CYB561D1: variants seen among roughly 807,000 people sequenced by gnomAD.
CYB561D1 encodes the protein cytochrome b561 family member D1, also known as probable transmembrane reductase CYB561D1.
Under a neutral mutation model 19.2 loss-of-function variants are expected in CYB561D1, and 15 were observed. The ratio of observed to expected loss-of-function variants is 0.78; its 90% CI spans 0.52 to 1.20. CYB561D1 has a LOEUF of 1.20. CYB561D1 is among the 50% of genes most tolerant of loss of function. The probability of loss-of-function intolerance (pLI) is 0.00; values close to 1 mark genes in which losing one functional copy is unlikely to be tolerated. For synonymous variants in CYB561D1, 133 were observed against 120.6 expected, an observed-to-expected ratio of 1.10 and a Z score of -0.68; for missense variants, 297 against 287.3, an observed-to-expected ratio of 1.03 and a Z score of -0.24.
rs1225948597 is a variant in CYB561D1 at position 109,497,341 on chromosome 1, C to T, written c.*1082C>T. On this transcript the variant is annotated 3_prime_UTR_variant, in exon 3 of 3. Coordinates refer to ENST00000420578, the MANE Select transcript of CYB561D1 (RefSeq NM_182580.3). Reference sequence around the variant, plus strand: ...CAGGGCTTTTCTGATCCAAAGAAAACAAAGTTTCTCTGGTTACCCCTCTTC... The same window carrying T: ...CAGGGCTTTTCTGATCCAAAGAAAATAAAGTTTCTCTGGTTACCCCTCTTC... 3 of 152,206 alleles carry T rather than the reference C, an allele frequency of 2.0e-5. No homozygotes were observed. The allele number at this position is 152,206 out of a possible 1,614,324, so 9.4% of individuals were successfully genotyped here. A position where few individuals can be genotyped will look rare whatever the true frequency, so the allele number is the denominator to read the frequency against.
In CYB561D1 at chr1:109,499,828, C is replaced by T. The variant is rs1412829143; in HGVS notation, c.*3569C>T. 13 of 152,296 alleles carry T rather than the reference C, an allele frequency of 8.5e-5. No individual in the cohort carries two copies. Among genetic ancestry groups the T allele is most frequent in the Admixed American group, 7.2e-4 (11 of 15,290 alleles). The allele number at this position is 152,296 out of a possible 1,614,324, so 9.4% of individuals were successfully genotyped here. On this transcript the variant is annotated 3_prime_UTR_variant, in exon 3 of 3. Coordinates refer to ENST00000420578, the MANE Select transcript of CYB561D1 (RefSeq NM_182580.3). ...CTGAGTCAGTCAGCCCTCACCTTCC[C>T]CCTCCTTCCTGGGCTGCAGAGTGTA...
In CYB561D1 at chr1:109,495,168, C is replaced by T; in HGVS notation, c.174C>T (p.Phe58=). Residue 58 remains phenylalanine, a synonymous_variant, in exon 2 of 3, where the codon TTC becomes TTT. Transcript: ENST00000420578. ...GTSLFSWHPV[F]MALAFCLCMA... is the part of the protein sequence containing the mutation. The stretch of plus-strand genomic sequence containing the variant: ...GTCTTTTCTCCTGGCACCCTGTATT[C>T]ATGGCCTTGGCGGTGAGTTTAGGCT... 6.2e-7 allele frequency: 1 copy of T among 1,614,244 alleles called. No homozygotes were observed. The highest frequency in any genetic ancestry group is 8.5e-7 in the Non-Finnish European group (1 of 1,180,040).
chr1:109,495,844 T>C lies in CYB561D1; in HGVS notation c.275T>C (p.Leu92Pro), dbSNP rs1657507509. 1.9e-6 allele frequency: 3 copies of C among 1,613,804 alleles called. No homozygotes were observed. Among genetic ancestry groups the C allele is most frequent in the Non-Finnish European group, 2.5e-6 (3 of 1,180,044 alleles). ...FFCSRKARIRLHWAGQTLAIL... is the reference protein window; with the variant it reads ...FFCSRKARIRPHWAGQTLAIL... ...TGCTCCCGAAAAGCACGGATCCGGC[T>C]CCACTGGGCAGGGCAGACCCTAGCC... The change falls in exon 3 of 3, where the codon CTC (leucine) becomes CCC (proline). Residue 92 changes from leucine to proline, a missense_variant. Transcript: ENST00000420578.
intron 1 of CYB561D1, chr1:109,494,702 T>C (rs1657408866): frequency 2.9e-6 from 2 of 697,004 alleles, no homozygotes; most frequent in Admixed American, 7.6e-5. Flanking sequence ...CCAGGCGTGA[T>C]GGCGCGCGCC....
rs1657831355 is a variant in CYB561D1, at chr1:109,500,355, T to C, written c.*4096T>C. ...TATTGCCTGACCTACCTCACAGGGA[T>C]GTTGTGAGGGTTTGATGAGAGAATG... On this transcript the variant is annotated 3_prime_UTR_variant, in exon 3 of 3. Transcript: ENST00000420578. The C allele has an allele frequency of 6.6e-6, 1 of 152,224 alleles. No individual in the cohort carries two copies. Among genetic ancestry groups the C allele is most frequent in the Non-Finnish European group, 1.5e-5 (1 of 68,046 alleles). The allele number at this position is 152,224 out of a possible 1,614,324, so 9.4% of individuals were successfully genotyped here.
At chr1:109,494,468 G>C (rs1657373838) in intron 1 of CYB561D1, 181 bp downstream of exon 1, 8 of 1,548,012 alleles carry the variant, frequency 5.2e-6, no homozygotes, top group Admixed American at 2.0e-5. Context: ...ATGGGGTTTT[G>C]GGTGCTGTGG....
rs976979654 is a variant in CYB561D1, at chr1:109,496,595, T to A, written c.*336T>A. ...GGGTTCCTGTAAGTTATGAATGGCA[T>A]CCAGGGATATTTGGGTTACTTTTAA... On this transcript the variant is annotated 3_prime_UTR_variant, in exon 3 of 3. Transcript: ENST00000420578. The A allele has an allele frequency of 4.8e-6, 1 of 208,148 alleles. No individual in the cohort carries two copies. The highest frequency in any genetic ancestry group is 9.7e-6 in the Non-Finnish European group (1 of 103,534). 12.9% of individuals were successfully genotyped at this position (208,148 alleles called of 1,614,324 possible).
intron 2 of CYB561D1, chr1:109,495,535 G>T: frequency 1.3e-6 from 1 of 798,364 alleles, no homozygotes; most frequent in South Asian, 1.8e-5. Context: ...AGTCATTGTA[G>T]AGGTTGGGAT....
chr1:109,495,584 G>A, intron 2 of CYB561D1, 172 bp from the exon 3 acceptor site: 3 of 1,299,514 alleles, frequency 2.3e-6, no homozygotes, highest in South Asian at 2.9e-5. Context: ...GTGCACTCAA[G>A]TGCTGATTCC....
In CYB561D1 at chr1:109,496,166, G is replaced by C. The variant is rs769026417; in HGVS notation, c.597G>C (p.Trp199Cys). The C allele has an allele frequency of 1.2e-6, 2 of 1,613,098 alleles. No homozygotes were observed. Among genetic ancestry groups the C allele is most frequent in the Non-Finnish European group, 1.7e-6 (2 of 1,179,120 alleles). The change falls in exon 3 of 3, where the codon TGG (tryptophan) becomes TGC (cysteine). Residue 199 changes from tryptophan to cysteine, a missense_variant. Trp to Cys is a radical substitution (Grantham distance 215). Coordinates refer to ENST00000420578, the MANE Select transcript of CYB561D1 (RefSeq NM_182580.3). ...WFQAQIKGAA[W>C]YLCLALPVYP... Reference sequence around the variant, plus strand: ...AGGCCCAGATCAAAGGTGCGGCCTGGTACCTGTGCCTGGCACTGCCCGTCT... The same window carrying C: ...AGGCCCAGATCAAAGGTGCGGCCTGCTACCTGTGCCTGGCACTGCCCGTCT...
In CYB561D1 at chr1:109,497,210, C is replaced by T. The variant is rs781439500; in HGVS notation, c.*951C>T. On this transcript the variant is annotated 3_prime_UTR_variant, in exon 3 of 3. Transcript: ENST00000420578. Reference sequence around the variant, plus strand: ...GAAATCACTTCTCAGGGCAAAGGAGCCCCAGGCATCTCATGCTTTGCCCTT... The same window carrying T: ...GAAATCACTTCTCAGGGCAAAGGAGTCCCAGGCATCTCATGCTTTGCCCTT... 2 of 152,478 alleles carry T rather than the reference C, an allele frequency of 1.3e-5. No individual in the cohort carries two copies. Among genetic ancestry groups the T allele is most frequent in the Non-Finnish European group, 2.9e-5 (2 of 68,082 alleles). 9.4% of individuals were successfully genotyped at this position (152,478 alleles called of 1,614,324 possible).
chr1:109,496,419 C>A lies in CYB561D1; in HGVS notation c.*160C>A. Reference sequence around the variant, plus strand: ...AAGCTGCTATTGTTGAGGAATAATTCAGTGGGTCAAAATGGGGAGATGTAC... The same window carrying A: ...AAGCTGCTATTGTTGAGGAATAATTAAGTGGGTCAAAATGGGGAGATGTAC... On this transcript the variant is annotated 3_prime_UTR_variant, in exon 3 of 3. Coordinates refer to ENST00000420578, the MANE Select transcript of CYB561D1 (RefSeq NM_182580.3). 2.6e-6 allele frequency: 2 copies of A among 761,206 alleles called. No individual in the cohort carries two copies. Among genetic ancestry groups the A allele is most frequent in the Non-Finnish European group, 4.0e-6 (2 of 501,624 alleles). The allele number at this position is 761,206 out of a possible 1,614,324, so 47.2% of individuals were successfully genotyped here.
rs397824524 is a variant in CYB561D1, at chr1:109,498,418, A to AG, written c.*2160dup. The stretch of plus-strand genomic sequence containing the variant: ...CCTGGAGGGCAGGGGCACAGAGCAG[A>AG]GAGGAGGGCACTGGTGGTCTCCTGC... On this transcript the variant is annotated 3_prime_UTR_variant, in exon 3 of 3. Transcript: ENST00000420578. 1.7e-5 allele frequency: 1 copy of AG among 60,396 alleles called. No homozygotes were observed. Among genetic ancestry groups the AG allele is most frequent in the African/African-American group, 3.2e-5 (1 of 31,516 alleles). 3.7% of individuals were successfully genotyped at this position (60,396 alleles called of 1,614,324 possible). A position where few individuals can be genotyped will look rare whatever the true frequency, so the allele number is the denominator to read the frequency against.
rs1174420733 is a variant in CYB561D1 at position 109,498,877 on chromosome 1, G to A, written c.*2618G>A. The A allele has an allele frequency of 6.7e-6, 1 of 150,036 alleles. No individual in the cohort carries two copies. The highest frequency in any genetic ancestry group is 1.5e-5 in the Non-Finnish European group (1 of 67,762). 9.3% of individuals were successfully genotyped at this position (150,036 alleles called of 1,614,324 possible). On this transcript the variant is annotated 3_prime_UTR_variant, in exon 3 of 3. Coordinates refer to ENST00000420578, the MANE Select transcript of CYB561D1 (RefSeq NM_182580.3). ...TTTTAAAAAAAAAAAAAAAGCCAGG[G>A]CAGGGTGCTTAGATTTTAAAAATTT...
chr1:109,496,358 C>T lies in CYB561D1; in HGVS notation c.*99C>T, dbSNP rs1473857940. On this transcript the variant is annotated 3_prime_UTR_variant, in exon 3 of 3. Coordinates refer to ENST00000420578, the MANE Select transcript of CYB561D1 (RefSeq NM_182580.3). The stretch of plus-strand genomic sequence containing the variant: ...TCTATTTAAGAAGTGGTCAGGTTTT[C>T]GCACTTCTTGGCTGGTCCAGGGACT... The T allele has an allele frequency of 4.3e-6, 6 of 1,405,990 alleles. No homozygotes were observed. In the South Asian group the frequency reaches 4.4e-5, roughly 10 times the overall value. The allele number at this position is 1,405,990 out of a possible 1,614,324, so 87.1% of individuals were successfully genotyped here.
Position 109,496,287 on chromosome 1 carries a change from G to T in CYB561D1, c.*28G>T. On this transcript the variant is annotated 3_prime_UTR_variant, in exon 3 of 3. Coordinates refer to ENST00000420578, the MANE Select transcript of CYB561D1 (RefSeq NM_182580.3). ...TCCTGCGAACGCTGAATCTAGGTGG[G>T]ACGCTTGCCTTGAACATCATGGTTC... The T allele has an allele frequency of 6.5e-7, 1 of 1,539,862 alleles. No individual in the cohort carries two copies. The highest frequency in any genetic ancestry group is 8.8e-7 in the Non-Finnish European group (1 of 1,138,538).
At position 109,494,257 on chromosome 1, in the gene CYB561D1, T is replaced by C; in HGVS notation, c.118T>C (p.Phe40Leu). Residue 40 changes from phenylalanine to leucine, a missense_variant, in exon 1 of 3, where the codon TTT becomes CTT. Phe to Leu is a conservative substitution (Grantham distance 22, BLOSUM62 0). Coordinates refer to ENST00000420578, the MANE Select transcript of CYB561D1 (RefSeq NM_182580.3). The stretch of plus-strand genomic sequence containing the variant: ...CCTGGTAGCTTTGGGCTTCACCATC[T>C]TTCTGACAGCGCTGTCCCGGCCAGG... ...AHLVALGFTI[F>L]LTALSRPGTS... 2 of 1,588,384 alleles carry C rather than the reference T, an allele frequency of 1.3e-6. No individual in the cohort carries two copies. Among genetic ancestry groups the C allele is most frequent in the Admixed American group, 1.8e-5 (1 of 56,262 alleles).
In CYB561D1 at chr1:109,495,882, G is replaced by C; in HGVS notation, c.313G>C (p.Ala105Pro). The change falls in exon 3 of 3, where the codon GCT becomes CCT. Residue 105 changes from alanine to proline, a missense_variant. Ala to Pro is a conservative substitution (Grantham distance 27, BLOSUM62 -1). Coordinates refer to ENST00000420578, the MANE Select transcript of CYB561D1 (RefSeq NM_182580.3). ...GCAGACCCTAGCCATCCTCTGTGCA[G>C]CTCTGGGCCTGGGCTTCATCATCTC... ...AGQTLAILCA[A>P]LGLGFIISSR... 1 of 1,613,946 alleles carries C rather than the reference G, an allele frequency of 6.2e-7. No individual in the cohort carries two copies. Among genetic ancestry groups the C allele is most frequent in the Non-Finnish European group, 8.5e-7 (1 of 1,180,054 alleles).
Position 109,496,341 on chromosome 1 carries a change from AGAAG to A in CYB561D1, c.*83_*86del. 3.4e-6 allele frequency: 5 copies of A among 1,477,426 alleles called. No homozygotes were observed. The highest frequency in any genetic ancestry group is 2.8e-5 in the South Asian group (2 of 72,404). The allele number at this position is 1,477,426 out of a possible 1,614,324, so 91.5% of individuals were successfully genotyped here. On this transcript the variant is annotated 3_prime_UTR_variant, in exon 3 of 3. Transcript: ENST00000420578. The stretch of plus-strand genomic sequence containing the variant: ...TGGTGATCTATAAGGGATCTATTTA[AGAAG>A]TGGTCAGGTTTTCGCACTTCTTGGC...
Sources: gnomAD v4.1 joint callset for allele counts on GRCh38, gnomAD v4.1.1 for gene constraint, MANE v1.5 for transcripts, NCBI Gene and HGNC (gene_info 2026-07-23, HGNC 2026-07-21) for gene names.